The following KCTD5 variants were observed in gnomAD, a reference collection of about 807,000 sequenced individuals.
The protein encoded by KCTD5 is potassium channel tetramerization domain containing 5.
KCTD5 carries 12 observed loss-of-function variants against 27.9 expected under a neutral mutation model. That is an observed-to-expected ratio of 0.43 (90% CI 0.28 to 0.70). The LOEUF is 0.70. Among genes scored for constraint, KCTD5 ranks in the 30% least tolerant of loss-of-function variants. The pLI, the probability that KCTD5 is intolerant of heterozygous loss-of-function variation, is 0.19. For missense variants in KCTD5, 226 were observed against 274.8 expected (o/e 0.82, Z 1.26); for synonymous variants, 147 against 121.4 (o/e 1.21, Z -1.39).
At position 2,707,179 on chromosome 16, in the gene KCTD5, G is replaced by A. The variant is rs2067640613; in HGVS notation, c.676-119G>A. 9 of 894,334 alleles carry A rather than the reference G, an allele frequency of 1.0e-5. No homozygotes were observed. In the Admixed American group the frequency reaches 1.7e-4, roughly 17 times the overall value. 55.4% of individuals were successfully genotyped at this position (894,334 alleles called of 1,614,324 possible). A position where few individuals can be genotyped will look rare whatever the true frequency, so the allele number is the denominator to read the frequency against. ...CCCAAGACCCTGGCCAGTGCCGCTG[G>A]GTTCCCGGGGCTCCCCGAGCTAACC... On this transcript the variant is annotated intron_variant, in intron 5 of 5. Transcript: ENST00000301738.
At chr16:2,700,282 C>A (rs1048454971) in intron 4 of KCTD5, among the ~76,000 whole-genome samples, 1 of 152,264 alleles carries the variant, frequency 6.6e-6, no homozygotes. Flanking sequence ...CCACAGCTCA[C>A]TCCATCGGAG....
At chr16:2,701,564 C>G (rs1293135821) in intron 4 of KCTD5, among the ~76,000 whole-genome samples, 2 of 152,240 alleles carry the variant, frequency 1.3e-5, no homozygotes, top group African/African-American at 4.8e-5. Context: ...CTGCTGCCCA[C>G]TGGGTCAGCC....
intron 5 of KCTD5, 113 bp from the exon 6 acceptor site, chr16:2,707,185 C>T (rs1408717265): frequency 1.0e-5 from 10 of 991,534 alleles, no homozygotes; most frequent in Admixed American, 4.6e-5. Context: ...GCTGGGTTCC[C>T]GGGGCTCCCC....
At chr16:2,688,447 T>C (rs1179443524) in intron 1 of KCTD5, among the ~76,000 whole-genome samples, 35 of 151,898 alleles carry the variant, frequency 2.3e-4, no homozygotes, top group African/African-American at 4.1e-4. Context: ...GAAGGGGTTT[T>C]GCCATGTTGG....
intron 5 of KCTD5, among the ~76,000 whole-genome samples, chr16:2,704,469 CAT>C (rs2067626109): frequency 6.6e-6 from 1 of 152,248 alleles, no homozygotes; most frequent in African/African-American, 2.4e-5. Flanking sequence ...GCGGTCCACA[CAT>C]GAGCACACCT....
At chr16:2,698,771 T>A (rs1332168912) in intron 3 of KCTD5, among the ~76,000 whole-genome samples, 1 of 152,212 alleles carries the variant, frequency 6.6e-6, no homozygotes, top group Non-Finnish European at 1.5e-5. Context: ...CAGTTCCCCC[T>A]CCTGCTGGAG....
intron 1 of KCTD5, among the ~76,000 whole-genome samples, chr16:2,693,766 C>T (rs2067577444): frequency 6.6e-6 from 1 of 152,108 alleles, no homozygotes; most frequent in African/African-American, 2.4e-5. Context: ...GCTCAGTGCC[C>T]AGGTCCTGCC....
In KCTD5 at chr16:2,682,615, G is replaced by A; in HGVS notation, c.67G>A (p.Gly23Ser). 1 of 1,543,624 alleles carries A rather than the reference G, an allele frequency of 6.5e-7. No homozygotes were observed. Among genetic ancestry groups the A allele is most frequent in the Admixed American group, 2.1e-5 (1 of 48,102 alleles). Reference protein sequence around the residue: ...RGGIGAGLGGGLCRRCSAGLG... With the variant: ...RGGIGAGLGGSLCRRCSAGLG... ...CGGCATCGGGGCGGGGCTGGGGGGC[G>A]GCCTGTGCCGCCGCTGCAGCGCTGG... The change falls in exon 1 of 6, where the codon GGC becomes AGC. Residue 23 changes from glycine (G) to serine (S), a missense_variant. By Grantham distance (56) the Gly-to-Ser change is moderately conservative. This residue lies in a region of KCTD5 where 91 missense variants were observed against 67.8 expected (regional missense o/e 1.34). Coordinates refer to ENST00000301738, the MANE Select transcript of KCTD5 (RefSeq NM_018992.4).
rs149564820 is a variant in KCTD5, at chr16:2,702,457, C to T, written c.654C>T (p.Ser218=). The T allele has an allele frequency of 1.1e-5, 17 of 1,612,986 alleles. No homozygotes were observed. The highest frequency in any genetic ancestry group is 1.3e-5 in the Non-Finnish European group (15 of 1,179,914). Residue 218 remains serine (S), a synonymous_variant, in exon 5 of 6, where the codon AGC becomes AGT. Transcript: ENST00000301738. ...ELHNTPYGTA[S]EPSEKAKILQ... The stretch of plus-strand genomic sequence containing the variant: ...ACAACACCCCGTACGGTACGGCCAG[C>T]GAGCCCAGCGAGAAGGCCAAGGTGA...
At position 2,708,026 on chromosome 16, in the gene KCTD5, T is replaced by C. The variant is rs1399905924; in HGVS notation, c.*699T>C. 6.5e-6 allele frequency: 1 copy of C among 153,282 alleles called. No individual in the cohort carries two copies. The allele number at this position is 153,282 out of a possible 1,614,324, so 9.5% of individuals were successfully genotyped here. On this transcript the variant is annotated 3_prime_UTR_variant, in exon 6 of 6. Coordinates refer to ENST00000301738, the MANE Select transcript of KCTD5 (RefSeq NM_018992.4). ...TGGATAGACTCCCCAGCGTTTTTCC[T>C]CTGGAAATGCCCACAGGGCTTGCCG...
chr16:2,702,586 C>T, intron 5 of KCTD5, 108 bp downstream of exon 5: 2 of 1,412,436 alleles, frequency 1.4e-6, no homozygotes, highest in Non-Finnish European at 1.9e-6. Flanking sequence ...CCGGTGTCCG[C>T]CCCTGGTGGC....
In KCTD5 at chr16:2,707,468, C is replaced by A. The variant is rs748794197; in HGVS notation, c.*141C>A. 2.2e-6 allele frequency: 2 copies of A among 905,778 alleles called. No homozygotes were observed. The highest frequency in any genetic ancestry group is 3.3e-5 in the African/African-American group (2 of 60,618). 56.1% of individuals were successfully genotyped at this position (905,778 alleles called of 1,614,324 possible). A position where few individuals can be genotyped will look rare whatever the true frequency, so the allele number is the denominator to read the frequency against. On this transcript the variant is annotated 3_prime_UTR_variant, in exon 6 of 6. Transcript: ENST00000301738. Reference sequence around the variant, plus strand: ...GATCTGGGTGTGAATCCTTTTTTGCCTCTGAGGTGGGTGGTGAGAGACGGG... The same window carrying A: ...GATCTGGGTGTGAATCCTTTTTTGCATCTGAGGTGGGTGGTGAGAGACGGG...
At position 2,707,305 on chromosome 16, in the gene KCTD5, A is replaced by C; in HGVS notation, c.683A>C (p.Gln228Pro). The C allele has an allele frequency of 6.2e-7, 1 of 1,613,874 alleles. No individual in the cohort carries two copies. Among genetic ancestry groups the C allele is most frequent in the Non-Finnish European group, 8.5e-7 (1 of 1,179,812 alleles). ...SEPSEKAKIL[Q>P]ERGSRM is the part of the protein sequence containing the mutation. The stretch of plus-strand genomic sequence containing the variant: ...GCATTTGGTGTTTTTCAGATTTTGC[A>C]AGAACGAGGCTCAAGGATGTGAGGG... Residue 228 changes from glutamine to proline, a missense_variant, in exon 6 of 6, where the codon CAA becomes CCA. Around this residue, in one of 2 missense-constraint regions of KCTD5, gnomAD observed 135 missense variants for 207.0 expected, o/e 0.65. Coordinates refer to ENST00000301738, the MANE Select transcript of KCTD5 (RefSeq NM_018992.4).
At chr16:2,684,708 T>G (rs2067532549) in intron 1 of KCTD5, 3 of 150,540 alleles carry the variant, frequency 2.0e-5, no homozygotes, top group Admixed American at 2.0e-4. Context: ...GAGCTTGCAG[T>G]GAGCCTAGTT....
At chr16:2,703,386 AGCCAGCCTGGG>A (rs1184224960) in intron 5 of KCTD5, among the ~76,000 whole-genome samples, 1 of 151,778 alleles carries the variant, frequency 6.6e-6, no homozygotes, top group Non-Finnish European at 1.5e-5. Context: ...CTCTGTGGGG[AGCCAGCCTGGG>A]GCGAAGGCTC....
At chr16:2,692,366 T>A (rs1022063462) in intron 1 of KCTD5, among the ~76,000 whole-genome samples, 1 of 152,156 alleles carries the variant, frequency 6.6e-6, no homozygotes, top group South Asian at 2.1e-4. Context: ...GAGGAGACTG[T>A]GGGGGCAGCT....
At chr16:2,697,436 T>C (rs1340674323) in intron 2 of KCTD5, among the ~76,000 whole-genome samples, 1 of 152,220 alleles carries the variant, frequency 6.6e-6, no homozygotes, top group African/African-American at 2.4e-5. Context: ...CTGAGACATA[T>C]GCACAAGGCC....
chr16:2,698,137 T>G (rs767441972), intron 3 of KCTD5, 140 bp downstream of exon 3: 3 of 621,306 alleles, frequency 4.8e-6, no homozygotes, highest in Non-Finnish European at 8.7e-6. Flanking sequence ...CCTCTGTCAC[T>G]GCCCCAGTGC....
chr16:2,707,214 T>C, intron 5 of KCTD5, 84 bp from the exon 6 acceptor site: 1 of 1,371,716 alleles, frequency 7.3e-7, no homozygotes, highest in Non-Finnish European at 1.0e-6. Flanking sequence ...CCCAGGCCTG[T>C]GGGCTCTGTT....
Sources: gnomAD v4.1 joint callset for allele counts (sites outside exome capture counted in the v4.1 genomes callset) on GRCh38, gnomAD v4.1.1 for gene constraint, gnomAD v4.1.1 regional missense constraint, MANE v1.5 for transcripts, NCBI Gene and HGNC (gene_info 2026-07-23, HGNC 2026-07-21) for gene names.